Variants in CNTN6 observed in about 807,000 individuals in gnomAD.
CNTN6 encodes the protein contactin 6, also known as contactin-6.
Under a neutral mutation model 122.8 loss-of-function variants are expected in CNTN6, and 137 were observed. That is an observed-to-expected ratio of 1.12 (90% CI 0.97 to 1.29). The LOEUF is 1.29. Among genes scored for constraint, CNTN6 ranks in the 50% most tolerant of loss-of-function variants. The pLI is 0.00. For missense variants in CNTN6, 1,634 were observed against 1,223.4 expected (o/e 1.34, Z -5.01); for synonymous variants, 570 against 426.0 (o/e 1.34, Z -4.16).
At chr3:1,355,415 T>G (rs1706388708) in intron 12 of CNTN6, among the ~76,000 whole-genome samples, 2 of 151,600 alleles carry the variant, frequency 1.3e-5, no homozygotes, top group African/African-American at 2.4e-5. Context: ...TATCTCTAAT[T>G]CCCTTTCATA....
At chr3:1,231,187 AGC>A (rs2094348447) in intron 4 of CNTN6, among the ~76,000 whole-genome samples, 1 of 152,178 alleles carries the variant, frequency 6.6e-6, no homozygotes, top group Non-Finnish European at 1.5e-5. Flanking sequence ...AGGAATCCAA[AGC>A]GAGACAGAGA....
At chr3:1,264,743 T>G (rs918381876) in intron 4 of CNTN6, among the ~76,000 whole-genome samples, 23 of 152,118 alleles carry the variant, frequency 1.5e-4, no homozygotes, top group African/African-American at 5.6e-4. Flanking sequence ...TCTAGAAATT[T>G]TGGAGTATAC....
chr3:1,377,516 G>A (rs374885804), intron 17 of CNTN6, among the ~76,000 whole-genome samples: 1 of 152,136 alleles, frequency 6.6e-6, no homozygotes, highest in Non-Finnish European at 1.5e-5. Flanking sequence ...GGCACATGGA[G>A]TAGATTTTGT....
chr3:1,118,386 A>AT (rs1175782300), intron 1 of CNTN6, among the ~76,000 whole-genome samples: 1 of 152,194 alleles, frequency 6.6e-6, no homozygotes, highest in South Asian at 2.1e-4. Flanking sequence ...TAATAGAACA[A>AT]TTACAGTTTT....
chr3:1,103,996 A>T (rs535048496), intron 1 of CNTN6, among the ~76,000 whole-genome samples: 2 of 152,186 alleles, frequency 1.3e-5, no homozygotes, highest in South Asian at 4.1e-4. Context: ...TTTATTCAAC[A>T]ATATATATTA....
At chr3:1,125,119 A>ATG (rs2092112513) in intron 1 of CNTN6, among the ~76,000 whole-genome samples, 1 of 152,022 alleles carries the variant, frequency 6.6e-6, no homozygotes, top group Admixed American at 6.6e-5. Flanking sequence ...TTAATGTTTT[A>ATG]TGTGTGTACA....
chr3:1,295,959 A>T (rs1575592918), intron 6 of CNTN6, among the ~76,000 whole-genome samples, 155 bp downstream of exon 6: 1 of 152,302 alleles, frequency 6.6e-6, no homozygotes, highest in East Asian at 1.9e-4. Flanking sequence ...ATAACAGAAA[A>T]TTATCTAATT....
At chr3:1,157,050 G>A (rs2092987790) in intron 2 of CNTN6, among the ~76,000 whole-genome samples, 1 of 150,072 alleles carries the variant, frequency 6.7e-6, no homozygotes, top group Admixed American at 6.6e-5. Flanking sequence ...TAATTTTTCT[G>A]TGTACATAGT....
intron 2 of CNTN6, among the ~76,000 whole-genome samples, chr3:1,177,626 C>G (rs901829062): frequency 6.6e-6 from 1 of 151,998 alleles, no homozygotes; most frequent in Non-Finnish European, 1.5e-5. Flanking sequence ...CTTTATTTCT[C>G]CATAATTTTT....
chr3:1,235,137 T>C (rs987961082), intron 4 of CNTN6, among the ~76,000 whole-genome samples: 2 of 152,202 alleles, frequency 1.3e-5, no homozygotes, highest in Non-Finnish European at 2.9e-5. Flanking sequence ...CTTCTACTTA[T>C]ATTCAGCAGG....
chr3:1,145,633 G>C (rs1262373387), intron 1 of CNTN6, among the ~76,000 whole-genome samples: 1 of 152,272 alleles, frequency 6.6e-6, no homozygotes, highest in South Asian at 2.1e-4. Flanking sequence ...TGAAAACAAA[G>C]ATTTATGGCC....
chr3:1,352,194 T>C (rs1705746041), intron 11 of CNTN6, 130 bp from the exon 12 acceptor site: 2 of 744,784 alleles, frequency 2.7e-6, no homozygotes, highest in Non-Finnish European at 4.0e-6. Flanking sequence ...AACAGAATAA[T>C]AGGAAAGGAA....
At chr3:1,124,125 T>C (rs1022643067) in intron 1 of CNTN6, among the ~76,000 whole-genome samples, 1 of 151,894 alleles carries the variant, frequency 6.6e-6, no homozygotes, top group African/African-American at 2.4e-5. Context: ...TGTCAAGATA[T>C]TTTTGATTGT....
intron 4 of CNTN6, among the ~76,000 whole-genome samples, chr3:1,233,711 G>A (rs2094385314): frequency 7.6e-6 from 1 of 131,516 alleles, no homozygotes; most frequent in African/African-American, 3.0e-5. Flanking sequence ...CTCCAGTCTG[G>A]GCAACAGAAC....
chr3:1,348,147 A>G (rs1238732323), intron 11 of CNTN6, among the ~76,000 whole-genome samples: 1 of 139,624 alleles, frequency 7.2e-6, no homozygotes, highest in Admixed American at 7.9e-5. Flanking sequence ...TAGTATTTCT[A>G]TGCTATAGAC....
At chr3:1,281,983 T>TACACAC (rs3836238) in intron 5 of CNTN6, among the ~76,000 whole-genome samples, 1,539 of 149,892 alleles carry the variant, frequency 0.01, 29 homozygotes, top group African/African-American at 0.036. Context: ...TATATAGGTA[T>TACACAC]ACACACACAC....
intron 11 of CNTN6, among the ~76,000 whole-genome samples, chr3:1,345,637 A>T (rs1282904914): frequency 3.9e-5 from 6 of 152,184 alleles, no homozygotes; most frequent in African/African-American, 1.2e-4. Context: ...AATCATTAAA[A>T]TGCAATATTA....
intron 1 of CNTN6, among the ~76,000 whole-genome samples, chr3:1,111,840 G>C (rs1056352590): frequency 6.6e-6 from 1 of 152,114 alleles, no homozygotes; most frequent in Non-Finnish European, 1.5e-5. Flanking sequence ...AAGTTGTGCC[G>C]TGCCCAGTGG....
intron 2 of CNTN6, among the ~76,000 whole-genome samples, chr3:1,198,829 G>A (rs925621069): frequency 6.6e-6 from 1 of 152,134 alleles, no homozygotes; most frequent in Non-Finnish European, 1.5e-5. Flanking sequence ...CTAAGAGTGC[G>A]ATCTTATTTA....
Sources: allele counts gnomAD v4.1 joint callset (sites outside exome capture counted in the v4.1 genomes callset), GRCh38; gene constraint gnomAD v4.1.1; transcripts MANE v1.5; gene names NCBI Gene and HGNC (gene_info 2026-07-23, HGNC 2026-07-21).